OTULIN: variants seen among roughly 807,000 people sequenced by gnomAD.
OTULIN encodes OTU deubiquitinase with linear linkage specificity, also known as ubiquitin thioesterase otulin.
A neutral mutation model predicts 39.6 loss-of-function variants in OTULIN; 15 were observed. The observed-to-expected ratio is 0.38, with a 90% CI of 0.25 to 0.58. The LOEUF (loss-of-function observed/expected upper bound fraction) is 0.58. Ranked by LOEUF, OTULIN falls within the 20% of genes least tolerant of loss-of-function variation. The pLI is 0.66. For missense variants in OTULIN, 319 were observed against 445.9 expected (o/e 0.72, Z 2.56); for synonymous variants, 156 against 170.3 (o/e 0.92, Z 0.65).
At chr5:14,677,616 A>G (rs946951062) in intron 2 of OTULIN, among the ~76,000 whole-genome samples, 3 of 150,762 alleles carry the variant, frequency 2.0e-5, no homozygotes, top group Admixed American at 1.3e-4. Flanking sequence ...TATAAAGGCT[A>G]TTTTTTTTTC....
chr5:14,709,916 A>G, the OTULIN span: 1 of 152,508 alleles, frequency 6.6e-6, no homozygotes, highest in South Asian at 2.1e-4. Flanking sequence ...TATCTTTAAA[A>G]TATTTTTTTT....
chr5:14,668,092 A>G (rs750184086), intron 1 of OTULIN, among the ~76,000 whole-genome samples: 5 of 152,266 alleles, frequency 3.3e-5, no homozygotes, highest in Admixed American at 6.5e-5. Context: ...ATTGAAAGCA[A>G]TTTTATGTAT....
At chr5:14,681,008 C>T (rs1275117707) in intron 3 of OTULIN, among the ~76,000 whole-genome samples, 5 of 152,080 alleles carry the variant, frequency 3.3e-5, no homozygotes, top group East Asian at 1.9e-4. Flanking sequence ...TGCAGTGAGC[C>T]GAGATTGCGC....
chr5:14,667,449 T>C (rs1300293637), intron 1 of OTULIN, among the ~76,000 whole-genome samples: 4 of 152,182 alleles, frequency 2.6e-5, no homozygotes, highest in Non-Finnish European at 4.4e-5. Flanking sequence ...CATGGCTCAC[T>C]GTAGCCTCAA....
chr5:14,696,309 C>T lies in OTULIN; in HGVS notation c.*3261C>T, dbSNP rs1244905600. On this transcript the variant is annotated 3_prime_UTR_variant, in exon 7 of 7. Transcript: ENST00000284274. ...TGTGTCTTCTTCAGATACTAAAGTA[C>T]AGTTGGATCATTTTCTTATCTCCTT... 1 of 152,206 alleles carries T rather than the reference C, an allele frequency of 6.6e-6. No homozygotes were observed. Among genetic ancestry groups the T allele is most frequent in the East Asian group, 1.9e-4 (1 of 5,200 alleles). 9.4% of individuals were successfully genotyped at this position (152,206 alleles called of 1,614,324 possible). A position where few individuals can be genotyped will look rare whatever the true frequency, so the allele number is the denominator to read the frequency against.
chr5:14,714,911 T>G, the OTULIN span, among the ~76,000 whole-genome samples: 518 of 152,348 alleles, frequency 3.4e-3, no homozygotes, highest in African/African-American at 0.012. Context: ...AGAAATTAAC[T>G]GCATGTGTCT....
At chr5:14,671,597 G>C (rs1200254584) in intron 1 of OTULIN, among the ~76,000 whole-genome samples, 1 of 152,200 alleles carries the variant, frequency 6.6e-6, no homozygotes, top group Non-Finnish European at 1.5e-5. Flanking sequence ...TGGTCCCCAT[G>C]AATCAGGTTT....
intron 4 of OTULIN, among the ~76,000 whole-genome samples, chr5:14,682,768 T>C (rs1459408302): frequency 3.3e-5 from 5 of 152,172 alleles, no homozygotes; most frequent in African/African-American, 7.2e-5. Context: ...AAGACCAACC[T>C]GGCTGCGTTT....
At chr5:14,671,991 A>G (rs1180703688) in intron 1 of OTULIN, among the ~76,000 whole-genome samples, 2 of 152,172 alleles carry the variant, frequency 1.3e-5, no homozygotes, top group Non-Finnish European at 2.9e-5. Flanking sequence ...AGTTATACAT[A>G]CAGCTAATAA....
At chr5:14,667,391 G>A (rs1157932713) in intron 1 of OTULIN, among the ~76,000 whole-genome samples, 1 of 152,190 alleles carries the variant, frequency 6.6e-6, no homozygotes, top group Non-Finnish European at 1.5e-5. Flanking sequence ...TTCTTGTTTT[G>A]TGAGACAGGG....
At position 14,678,625 on chromosome 5, in the gene OTULIN, T is replaced by C. The variant is rs1275633123; in HGVS notation, c.230-56T>C. The C allele has an allele frequency of 5.5e-6, 7 of 1,269,120 alleles. No individual in the cohort carries two copies. The Middle Eastern group carries it at 5.8e-4, about 105-fold the overall frequency. 78.6% of individuals were successfully genotyped at this position (1,269,120 alleles called of 1,614,324 possible). A position where few individuals can be genotyped will look rare whatever the true frequency, so the allele number is the denominator to read the frequency against. ...AGGGTAACCCCCAACTGAAGCAGTATTCTGATTATGCTTTGATTTATTATT... is the reference window on the plus strand; with the variant it reads ...AGGGTAACCCCCAACTGAAGCAGTACTCTGATTATGCTTTGATTTATTATT... On this transcript the variant is annotated intron_variant, in intron 2 of 6. Transcript: ENST00000284274.
At chr5:14,711,224 G>C in the OTULIN span, 3 of 1,614,042 alleles carry the variant, frequency 1.9e-6, no homozygotes, top group South Asian at 2.2e-5. Flanking sequence ...TCATTTCCAC[G>C]ATGTCTGTCA....
Position 14,665,120 on chromosome 5 carries a change from G to C in OTULIN, c.152+143G>C, listed in dbSNP as rs946638592. 7.0e-6 allele frequency: 5 copies of C among 714,040 alleles called. No homozygotes were observed. The African/African-American group carries it at 9.6e-5, about 14-fold the overall frequency. The allele number at this position is 714,040 out of a possible 1,614,324, so 44.2% of individuals were successfully genotyped here. A position where few individuals can be genotyped will look rare whatever the true frequency, so the allele number is the denominator to read the frequency against. ...AGGCCGTTGGCGACAAGGAGGAATT[G>C]GCAGACAGTTTTCCCAGTGTCCGAG... On this transcript the variant is annotated intron_variant, in intron 1 of 6. Coordinates refer to ENST00000284274, the MANE Select transcript of OTULIN (RefSeq NM_138348.6).
At position 14,689,957 on chromosome 5, in the gene OTULIN, T is replaced by A. The variant is rs759814132; in HGVS notation, c.595-82T>A. 1.9e-4 allele frequency: 273 copies of A among 1,434,580 alleles called. 1 individual carries two copies. Among genetic ancestry groups the A allele is most frequent in the Non-Finnish European group, 2.4e-4 (253 of 1,060,768 alleles). 88.9% of individuals were successfully genotyped at this position (1,434,580 alleles called of 1,614,324 possible). ...GTGACCCATGGTCACTTTTAAAAAA[T>A]AATTTTGTGCTCATAGTATGGTACT... On this transcript the variant is annotated intron_variant, in intron 5 of 6. Transcript: ENST00000284274.
intron 4 of OTULIN, among the ~76,000 whole-genome samples, chr5:14,686,355 C>T (rs555321591): frequency 3.9e-5 from 6 of 152,170 alleles, no homozygotes; most frequent in Non-Finnish European, 8.8e-5. Flanking sequence ...GGCTGAAGTG[C>T]AGTGGTGCAG....
At chr5:14,702,273 G>C (rs1291862338), downstream of OTULIN, among the ~76,000 whole-genome samples, 1 of 152,122 alleles carries the variant, frequency 6.6e-6, no homozygotes, top group Non-Finnish European at 1.5e-5. Context: ...AGTGTACAGG[G>C]ATGGGCTGAA....
the OTULIN span, chr5:14,712,746 G>A: frequency 4.3e-6 from 4 of 936,922 alleles, no homozygotes; most frequent in Non-Finnish European, 6.7e-6. Context: ...TAAGCCACGA[G>A]ACTGGGCAGT....
chr5:14,692,775 G>A (rs1736563573), intron 6 of OTULIN, 79 bp from the exon 7 acceptor site: 4 of 1,283,554 alleles, frequency 3.1e-6, no homozygotes, highest in Non-Finnish European at 3.3e-6. Context: ...TGCACTGTGG[G>A]ATAATGGATG....
At position 14,697,477 on chromosome 5, in the gene OTULIN, C is replaced by T. The variant is rs556715559; in HGVS notation, c.*4429C>T. The stretch of plus-strand genomic sequence containing the variant: ...CAGGCGTGAACTACCGCGCCTGGCC[C>T]CATGTATTGTATTTTTTTCAGGTTA... On this transcript the variant is annotated 3_prime_UTR_variant, in exon 7 of 7. Transcript: ENST00000284274. 2 of 152,184 alleles carry T rather than the reference C, an allele frequency of 1.3e-5. No homozygotes were observed. Among genetic ancestry groups the T allele is most frequent in the South Asian group, 2.1e-4 (1 of 4,824 alleles). 9.4% of individuals were successfully genotyped at this position (152,184 alleles called of 1,614,324 possible).
Sources: allele counts gnomAD v4.1 joint callset (sites outside exome capture counted in the v4.1 genomes callset), GRCh38; gene constraint gnomAD v4.1.1; transcripts MANE v1.5; gene names NCBI Gene and HGNC (gene_info 2026-07-23, HGNC 2026-07-21).